MAN1C1: variants seen among roughly 807,000 people sequenced by gnomAD.
MAN1C1 encodes the protein mannosyl-oligosaccharide 1,2-alpha-mannosidase IC.
A neutral mutation model predicts 71.5 loss-of-function variants in MAN1C1; 49 were observed. The observed-to-expected ratio is 0.69, with a 90% confidence interval of 0.54 to 0.87. The LOEUF is 0.87. Ranked by LOEUF, MAN1C1 falls within the 40% of genes least tolerant of loss-of-function variation. MAN1C1 has a pLI of 0.00. For missense variants in MAN1C1, 743 were observed against 835.0 expected, an observed-to-expected ratio of 0.89 and a Z score of 1.36; for synonymous variants, 352 against 343.7, an observed-to-expected ratio of 1.02 and a Z score of -0.27.
intron 1 of MAN1C1, among the ~76,000 whole-genome samples, chr1:25,679,978 T>TATATAC (rs1553185895): frequency 7.9e-6 from 1 of 127,216 alleles, no homozygotes; most frequent in African/African-American, 3.2e-5. Flanking sequence ...TATATATATA[T>TATATAC]ACACACACAC....
At chr1:25,695,322 A>G (rs1457659620) in intron 2 of MAN1C1, among the ~76,000 whole-genome samples, 1 of 152,158 alleles carries the variant, frequency 6.6e-6, no homozygotes, top group Admixed American at 6.5e-5. Flanking sequence ...GAGCCCTGAA[A>G]GCGCCATCCG....
chr1:25,650,436 G>A (rs2045675952), intron 1 of MAN1C1, among the ~76,000 whole-genome samples: 1 of 152,158 alleles, frequency 6.6e-6, no homozygotes, highest in South Asian at 2.1e-4. Flanking sequence ...TGAGGCTGCT[G>A]CAGGTGGCCA....
At chr1:25,722,884 G>A (rs1036859495) in intron 2 of MAN1C1, among the ~76,000 whole-genome samples, 5 of 152,146 alleles carry the variant, frequency 3.3e-5, no homozygotes, top group Admixed American at 2.0e-4. Context: ...ATAGGTGTTT[G>A]TTCTCTAGAG....
At chr1:25,705,429 A>G (rs997417423) in intron 2 of MAN1C1, among the ~76,000 whole-genome samples, 9 of 152,230 alleles carry the variant, frequency 5.9e-5, no homozygotes, top group Non-Finnish European at 1.0e-4. Flanking sequence ...CCAGTATTCT[A>G]TCACATGGAT....
In MAN1C1 at chr1:25,779,230, C is replaced by T. The variant is rs2047661183; in HGVS notation, c.1477+906C>T. On this transcript the variant is annotated intron_variant, in intron 9 of 11. Transcript: ENST00000374332. This position sits in a 1 kb window ranked among gnomAD's most constrained non-coding sequence, Gnocchi z 4.6. ...TTCTGATGGCCAGGAGCCGCTACAC[C>T]ATTTGAAAAGATTAGAGAGGCCAGA... Among the ~76,000 whole-genome samples, 1 of 152,106 alleles carries T rather than the reference C, an allele frequency of 6.6e-6. No homozygotes were observed. Among genetic ancestry groups the T allele is most frequent in the Non-Finnish European group, 1.5e-5 (1 of 68,004 alleles).
intron 1 of MAN1C1, among the ~76,000 whole-genome samples, chr1:25,668,644 C>G (rs961752448): frequency 1.3e-5 from 2 of 152,004 alleles, no homozygotes; most frequent in East Asian, 1.9e-4. Context: ...CAACCTCCGC[C>G]TCCTGGGTTC....
chr1:25,628,507 C>T (rs1452319310), intron 1 of MAN1C1, among the ~76,000 whole-genome samples: 1 of 152,050 alleles, frequency 6.6e-6, no homozygotes, highest in African/African-American at 2.4e-5. Flanking sequence ...GGGATTTCAC[C>T]ATGTTGGTCA....
At chr1:25,783,144 C>A (rs966278059) in intron 11 of MAN1C1, among the ~76,000 whole-genome samples, 6 of 152,160 alleles carry the variant, frequency 3.9e-5, no homozygotes, top group African/African-American at 1.4e-4. Context: ...CCTCACTGTT[C>A]CCCAAAGCAA....
intron 1 of MAN1C1, among the ~76,000 whole-genome samples, chr1:25,666,287 G>A (rs114118859): frequency 0.024 from 3,607 of 152,156 alleles, 147 homozygotes; most frequent in African/African-American, 0.082. Context: ...GTCTTTTTGC[G>A]TCGTTTTCAT....
chr1:25,781,081 T>C lies in MAN1C1; in HGVS notation c.1619T>C (p.Ile540Thr), dbSNP rs1049983840. The C allele has an allele frequency of 6.2e-7, 1 of 1,613,940 alleles. No homozygotes were observed. The highest frequency in any genetic ancestry group is 8.5e-7 in the Non-Finnish European group (1 of 1,179,964). Reference sequence around the variant, plus strand: ...CTGTGGCGACAGACCCACAACCCCATCTACAGGGAGTGGGGCTGGGAGGTG... The same window carrying C: ...CTGTGGCGACAGACCCACAACCCCACCTACAGGGAGTGGGGCTGGGAGGTG... ...MYLWRQTHNP[I>T]YREWGWEVVL... The change falls in exon 10 of 12, where the codon ATC (isoleucine) becomes ACC (threonine). Residue 540 changes from isoleucine (I) to threonine (T), a missense_variant. Coordinates refer to ENST00000374332, the MANE Select transcript of MAN1C1 (RefSeq NM_020379.4).
rs373577573 is a variant in MAN1C1 at position 25,782,558 on chromosome 1, T to C, written c.1651-27T>C. Reference sequence around the variant, plus strand: ...CTTTCCTGTCCCGTGTTAAGGCTGTTTTCCTCCTCCTCTTCCCCTTCCTCA... The same window carrying C: ...CTTTCCTGTCCCGTGTTAAGGCTGTCTTCCTCCTCCTCTTCCCCTTCCTCA... On this transcript the variant is annotated intron_variant, in intron 10 of 11. Transcript: ENST00000374332. This position sits in a 1 kb window ranked among gnomAD's most constrained non-coding sequence, Gnocchi z 4.4. 1.3e-6 allele frequency: 2 copies of C among 1,542,706 alleles called. No homozygotes were observed. The highest frequency in any genetic ancestry group is 1.8e-6 in the Non-Finnish European group (2 of 1,115,204).
At chr1:25,762,706 G>A (rs1000860457) in intron 6 of MAN1C1, among the ~76,000 whole-genome samples, 1 of 152,092 alleles carries the variant, frequency 6.6e-6, no homozygotes, top group Non-Finnish European at 1.5e-5. Flanking sequence ...GGGATTATAG[G>A]CGTGAGCCAC....
At chr1:25,629,375 T>C (rs1442870682) in intron 1 of MAN1C1, among the ~76,000 whole-genome samples, 2 of 152,226 alleles carry the variant, frequency 1.3e-5, no homozygotes, top group African/African-American at 2.4e-5. Flanking sequence ...ATTTTTCATA[T>C]GTTTCTTGGC....
chr1:25,774,169 GCACCTGGGGT>G (rs1024483759), intron 8 of MAN1C1, among the ~76,000 whole-genome samples: 2 of 152,166 alleles, frequency 1.3e-5, no homozygotes, highest in African/African-American at 4.8e-5. Context: ...ATTCTGTTGT[GCACCTGGGGT>G]CAGAAAACCA....
At chr1:25,767,239 C>T (rs891478491) in intron 7 of MAN1C1, among the ~76,000 whole-genome samples, 1 of 143,670 alleles carries the variant, frequency 7.0e-6, no homozygotes, top group Non-Finnish European at 1.5e-5. Flanking sequence ...ACCCACACTC[C>T]CCTCACATCC....
At chr1:25,618,726 GAC>G (rs1228270069) in intron 1 of MAN1C1, among the ~76,000 whole-genome samples, 1 of 151,992 alleles carries the variant, frequency 6.6e-6, no homozygotes, top group Non-Finnish European at 1.5e-5. Flanking sequence ...TGCATTTGTG[GAC>G]ACAGAGCCAC....
intron 2 of MAN1C1, among the ~76,000 whole-genome samples, chr1:25,697,771 G>T (rs1328573072): frequency 6.6e-6 from 1 of 152,208 alleles, no homozygotes; most frequent in South Asian, 2.1e-4. Context: ...GGGTCATACT[G>T]TATTGGTATG....
chr1:25,632,314 G>A (rs893188728), intron 1 of MAN1C1, among the ~76,000 whole-genome samples: 1 of 152,106 alleles, frequency 6.6e-6, no homozygotes, highest in Non-Finnish European at 1.5e-5. Context: ...TAGTAGTCAC[G>A]AATAATCTTT....
At chr1:25,646,785 T>C (rs2045620925) in intron 1 of MAN1C1, among the ~76,000 whole-genome samples, 1 of 152,238 alleles carries the variant, frequency 6.6e-6, no homozygotes, top group African/African-American at 2.4e-5. Context: ...TCCCATTGTA[T>C]GGGTAGACCG....
Sources: allele counts gnomAD v4.1 joint callset (sites outside exome capture counted in the v4.1 genomes callset), GRCh38; gene constraint gnomAD v4.1.1; non-coding constraint Gnocchi (gnomAD v3.1); transcripts MANE v1.5; gene names NCBI Gene and HGNC (gene_info 2026-07-23, HGNC 2026-07-21).